The following RFX8 variants were observed in gnomAD, a reference collection of about 807,000 sequenced individuals.
RFX8 encodes the protein regulatory factor X8.
RFX8 carries 46 observed loss-of-function variants against 54.6 expected under a neutral mutation model. The observed-to-expected ratio is 0.84, with a 90% CI of 0.67 to 1.08. The LOEUF (loss-of-function observed/expected upper bound fraction) is 1.08, where lower values mean the gene tolerates loss of function less well. Among genes scored for constraint, RFX8 ranks in the 50% least tolerant of loss-of-function variants. The probability of loss-of-function intolerance (pLI) is 0.00; values close to 1 mark genes in which losing one functional copy is unlikely to be tolerated. For missense variants in RFX8, 536 were observed against 562.3 expected, an observed-to-expected ratio of 0.95 and a Z score of 0.47; for synonymous variants, 192 against 209.5, an observed-to-expected ratio of 0.92 and a Z score of 0.72.
intron 4 of RFX8, among the ~76,000 whole-genome samples, chr2:101,420,055 C>A (rs1380208026): frequency 6.6e-6 from 1 of 152,204 alleles, no homozygotes; most frequent in Non-Finnish European, 1.5e-5. Context: ...TGCCCCAGAA[C>A]CCACCCTTGT....
At chr2:101,420,401 G>A (rs1428726256) in intron 4 of RFX8, among the ~76,000 whole-genome samples, 3 of 151,852 alleles carry the variant, frequency 2.0e-5, no homozygotes, top group African/African-American at 4.8e-5. Context: ...AAAATTAGCC[G>A]GGCATGGTGG....
At chr2:101,431,434 A>C (rs542794966) in intron 2 of RFX8, among the ~76,000 whole-genome samples, 1 of 147,614 alleles carries the variant, frequency 6.8e-6, no homozygotes, top group South Asian at 2.3e-4. Flanking sequence ...TGGCAGCTTG[A>C]TGAGCTCAGG....
intron 2 of RFX8, among the ~76,000 whole-genome samples, chr2:101,456,417 C>T (rs966998488): frequency 1.7e-4 from 26 of 152,182 alleles, no homozygotes; most frequent in Admixed American, 1.6e-3. Context: ...GAGTTTTTAG[C>T]ATGAATGGCT....
rs1685484823 is a variant in RFX8 at position 101,402,420 on chromosome 2, G to T, written c.1245+16C>A. The T allele has an allele frequency of 1.3e-6, 2 of 1,532,222 alleles. No homozygotes were observed. The highest frequency in any genetic ancestry group is 4.0e-5 in the Admixed American group (2 of 50,140). The allele number at this position is 1,532,222 out of a possible 1,614,324, so 94.9% of individuals were successfully genotyped here. A position where few individuals can be genotyped will look rare whatever the true frequency, so the allele number is the denominator to read the frequency against. On this transcript the variant is annotated intron_variant, in intron 11 of 11. Coordinates refer to ENST00000428343, the MANE Select transcript of RFX8 (RefSeq NM_001145664.2). ...CCTTGAAACAGCTGTGTGGAAGGGG[G>T]TCCTGGTGTCCCTACCTTATTGCCC...
At chr2:101,405,540 A>G (rs553079134) in intron 10 of RFX8, among the ~76,000 whole-genome samples, 1 of 152,300 alleles carries the variant, frequency 6.6e-6, no homozygotes, top group African/African-American at 2.4e-5. Context: ...AATGAACATT[A>G]CTTCACTCTC....
chr2:101,437,693 G>A (rs1462947472), intron 2 of RFX8, among the ~76,000 whole-genome samples: 3 of 152,180 alleles, frequency 2.0e-5, no homozygotes, highest in Admixed American at 6.5e-5. Flanking sequence ...AGTTTCCCCC[G>A]ATGGTTACAT....
chr2:101,397,702 T>A lies in RFX8; in HGVS notation c.1268A>T (p.Asp423Val). The A allele has an allele frequency of 6.4e-7, 1 of 1,550,568 alleles. No homozygotes were observed. Among genetic ancestry groups the A allele is most frequent in the Non-Finnish European group, 8.7e-7 (1 of 1,146,598 alleles). ...GNKLIQVLLE[D>V]ETTESAVKLS... ...TTTAACTGCGCTTTCAGTGGTTTCA[T>A]CTTCCAACAGCACCTGGATGAGCTG... Residue 423 changes from aspartate (D) to valine (V), a missense_variant, in exon 12 of 12, where the codon GAT becomes GTT. By Grantham distance (152) the Asp-to-Val change is radical (BLOSUM62 -3). Coordinates refer to ENST00000428343, the MANE Select transcript of RFX8 (RefSeq NM_001145664.2).
Position 101,412,931 on chromosome 2 carries a change from G to T in RFX8, c.702C>A (p.Asn234Lys), listed in dbSNP as rs1558845083. ...GAAGATTACATTTCATCTCTGGGTT[G>T]TTCTCCAGTTCATCTGCGCCACTCC... ...SDRSGADELE[N>K]NPEMKCLRNL... Residue 234 changes from asparagine (N) to lysine (K), a missense_variant, in exon 8 of 12, where the codon AAC becomes AAA. Asn to Lys is a moderately conservative substitution (Grantham distance 94, BLOSUM62 0). Coordinates refer to ENST00000428343, the MANE Select transcript of RFX8 (RefSeq NM_001145664.2). 3 of 1,550,732 alleles carry T rather than the reference G, an allele frequency of 1.9e-6. No homozygotes were observed. Among genetic ancestry groups the T allele is most frequent in the African/African-American group, 1.4e-5 (1 of 72,996 alleles).
At chr2:101,444,725 TA>T (rs1321581974) in intron 2 of RFX8, among the ~76,000 whole-genome samples, 1 of 151,438 alleles carries the variant, frequency 6.6e-6, no homozygotes, top group East Asian at 1.9e-4. Flanking sequence ...ATAACTAGAG[TA>T]AAAATAATAT....
At chr2:101,471,608 A>C (rs1008586074) in intron 1 of RFX8, among the ~76,000 whole-genome samples, 1 of 152,162 alleles carries the variant, frequency 6.6e-6, no homozygotes, top group South Asian at 2.1e-4. Context: ...CAGACCTGCT[A>C]GGTCTGCATC....
At position 101,402,417 on chromosome 2, in the gene RFX8, G is replaced by A. The variant is rs1234702823; in HGVS notation, c.1245+19C>T. ...TCCCCTTGAAACAGCTGTGTGGAAGGGGGTCCTGGTGTCCCTACCTTATTG... is the reference window on the plus strand; with the variant it reads ...TCCCCTTGAAACAGCTGTGTGGAAGAGGGTCCTGGTGTCCCTACCTTATTG... On this transcript the variant is annotated intron_variant, in intron 11 of 11. Coordinates refer to ENST00000428343, the MANE Select transcript of RFX8 (RefSeq NM_001145664.2). 4 of 1,527,220 alleles carry A rather than the reference G, an allele frequency of 2.6e-6. No homozygotes were observed. Among genetic ancestry groups the A allele is most frequent in the Middle Eastern group, 3.4e-4 (2 of 5,844 alleles). The allele number at this position is 1,527,220 out of a possible 1,614,324, so 94.6% of individuals were successfully genotyped here. A position where few individuals can be genotyped will look rare whatever the true frequency, so the allele number is the denominator to read the frequency against.
intron 2 of RFX8, among the ~76,000 whole-genome samples, chr2:101,424,360 A>G (rs1467038290): frequency 6.6e-6 from 1 of 152,236 alleles, no homozygotes; most frequent in Non-Finnish European, 1.5e-5. Context: ...TTAAAAAGTC[A>G]GGAAACAACA....
chr2:101,451,856 G>A (rs369054717), intron 2 of RFX8, among the ~76,000 whole-genome samples: 4 of 152,310 alleles, frequency 2.6e-5, no homozygotes, highest in East Asian at 3.9e-4. Flanking sequence ...TGCTTTGGGA[G>A]GCCAAAGTGG....
chr2:101,416,471 T>A (rs1310293337), intron 6 of RFX8, among the ~76,000 whole-genome samples: 1 of 152,092 alleles, frequency 6.6e-6, no homozygotes. Flanking sequence ...CGATTAGACA[T>A]GGTCCTATGC....
At chr2:101,467,264 G>A (rs557959043) in intron 1 of RFX8, among the ~76,000 whole-genome samples, 3 of 152,122 alleles carry the variant, frequency 2.0e-5, no homozygotes, top group Non-Finnish European at 4.4e-5. Flanking sequence ...ACAAAGTGGA[G>A]AATTATTTAT....
intron 2 of RFX8, among the ~76,000 whole-genome samples, chr2:101,462,304 C>T (rs892805167): frequency 2.6e-5 from 4 of 152,152 alleles, no homozygotes; most frequent in African/African-American, 4.8e-5. Context: ...TGGTGGCACA[C>T]GTGTAGTCCC....
chr2:101,421,165 TA>T, intron 4 of RFX8: 1 of 759,694 alleles, frequency 1.3e-6, no homozygotes, highest in Non-Finnish European at 1.6e-6. Flanking sequence ...TAGAATATAC[TA>T]AAGCATCAGG....
Position 101,410,643 on chromosome 2 carries a change from TGAA to T in RFX8, c.786_788del (p.Ser263del). 1.3e-6 allele frequency: 2 copies of T among 1,543,380 alleles called. No individual in the cohort carries two copies. Among genetic ancestry groups the T allele is most frequent in the Non-Finnish European group, 1.8e-6 (2 of 1,140,112 alleles). Reference sequence around the variant, plus strand: ...CCTGGAACACAAATGCTTGGAGATGTGAAGACAGACAGCTGAGGAATACCCTGA... The same window carrying T: ...CCTGGAACACAAATGCTTGGAGATGTGACAGACAGCTGAGGAATACCCTGA... On this transcript the variant is annotated inframe_deletion, in exon 9 of 12. Transcript: ENST00000428343.
chr2:101,469,074 ATATAAG>A lies in RFX8; in HGVS notation c.-52-2180_-52-2175del, dbSNP rs1460526237. ...TATATACGTATATATATGTATATAT[ATATAAG>A]TGTATATATATAAGTATATATATAT... On this transcript the variant is annotated intron_variant, in intron 1 of 11. Transcript: ENST00000428343. Among the ~76,000 whole-genome samples, 87 of 8,708 alleles carry A rather than the reference ATATAAG, an allele frequency of 1.0e-2. 1 individual carries two copies. The highest frequency in any genetic ancestry group is 0.06 in the South Asian group (15 of 248). The allele number at this position is 8,708 out of a possible 152,430, so 5.7% of individuals were successfully genotyped here.
Sources: allele counts gnomAD v4.1 joint callset (sites outside exome capture counted in the v4.1 genomes callset), GRCh38; gene constraint gnomAD v4.1.1; transcripts MANE v1.5; gene names NCBI Gene and HGNC (gene_info 2026-07-23, HGNC 2026-07-21).